The following RHOJ variants were observed in gnomAD, a reference collection of about 807,000 sequenced individuals.
RHOJ encodes ras homolog family member J.
A neutral mutation model predicts 23.4 loss-of-function variants in RHOJ; 11 were observed. That is an observed-to-expected ratio of 0.47 (90% confidence interval 0.30 to 0.78). The LOEUF is 0.78. Among genes scored for constraint, RHOJ ranks in the 30% least tolerant of loss-of-function variants. RHOJ has a pLI of 0.08. For synonymous variants in RHOJ, 102 were observed against 102.7 expected (o/e 0.99, Z 0.04); for missense variants, 254 against 273.4 (o/e 0.93, Z 0.50).
intron 1 of RHOJ, among the ~76,000 whole-genome samples, chr14:63,211,494 T>C (rs184937261): frequency 2.0e-5 from 3 of 152,298 alleles, no homozygotes; most frequent in Admixed American, 2.0e-4. Context: ...CATTAATGGT[T>C]GTTCTTATTT....
In RHOJ at chr14:63,260,579, A is replaced by C. The variant is rs185376989; in HGVS notation, c.179-8531A>C. On this transcript the variant is annotated intron_variant, in intron 1 of 4. Coordinates refer to ENST00000316754, the MANE Select transcript of RHOJ (RefSeq NM_020663.5). ...AACTGTTTTACATGTTCATGATAGC[A>C]AAGAATGGAAAAAATAAAGTGTTTT... Among the ~76,000 whole-genome samples the C allele has an allele frequency of 7.2e-5, 11 of 152,350 alleles. No individual in the cohort carries two copies. In the East Asian group the frequency reaches 1.9e-3, roughly 27 times the overall value.
At chr14:63,266,448 G>A (rs1895368754) in intron 1 of RHOJ, among the ~76,000 whole-genome samples, 1 of 152,168 alleles carries the variant, frequency 6.6e-6, no homozygotes, top group African/African-American at 2.4e-5. Flanking sequence ...TCAGTCAGTT[G>A]GGGTGCTTAG....
chr14:63,259,664 G>A (rs2057133), intron 1 of RHOJ, among the ~76,000 whole-genome samples: 49,232 of 151,990 alleles, frequency 0.32, 10,730 homozygotes, highest in African/African-American at 0.62. Context: ...GGATCCAACC[G>A]CTGTTTTATC....
chr14:63,268,027 G>T (rs1895398924), intron 1 of RHOJ, among the ~76,000 whole-genome samples: 1 of 152,206 alleles, frequency 6.6e-6, no homozygotes. Flanking sequence ...CTAAGCAGCA[G>T]GCTAGAGAAT....
intron 4 of RHOJ, chr14:63,284,401 A>G (rs1392719238): frequency 3.1e-6 from 3 of 957,770 alleles, no homozygotes; most frequent in Admixed American, 6.2e-5. Flanking sequence ...GTACTTAATA[A>G]TATCTCTCAC....
At chr14:63,230,350 G>C (rs1375290887) in intron 1 of RHOJ, among the ~76,000 whole-genome samples, 1 of 152,078 alleles carries the variant, frequency 6.6e-6, no homozygotes, top group Non-Finnish European at 1.5e-5. Flanking sequence ...ACTGACTTTG[G>C]TGTTTTCTAG....
At chr14:63,248,483 T>C (rs895982196) in intron 1 of RHOJ, among the ~76,000 whole-genome samples, 1 of 152,196 alleles carries the variant, frequency 6.6e-6, no homozygotes, top group Admixed American at 6.5e-5. Context: ...CCTTTGTCAT[T>C]CTAAGGTATC....
At chr14:63,230,813 G>A (rs1461797089) in intron 1 of RHOJ, among the ~76,000 whole-genome samples, 3 of 147,258 alleles carry the variant, frequency 2.0e-5, no homozygotes, top group African/African-American at 5.1e-5. Context: ...TTTTGAGTGA[G>A]TGAATGGAAG....
At chr14:63,283,971 G>A (rs952505496) in intron 4 of RHOJ, among the ~76,000 whole-genome samples, 14 of 152,086 alleles carry the variant, frequency 9.2e-5, no homozygotes, top group Admixed American at 8.5e-4. Context: ...TATGCAAGAG[G>A]AGGCCGATAA....
intron 2 of RHOJ, among the ~76,000 whole-genome samples, chr14:63,277,596 A>T (rs1262256840): frequency 2.6e-5 from 4 of 152,234 alleles, no homozygotes; most frequent in African/African-American, 9.6e-5. Flanking sequence ...GTTCATTTGC[A>T]GGTCACTGTA....
intron 2 of RHOJ, 118 bp from the exon 3 acceptor site, chr14:63,280,853 T>G: frequency 1.1e-6 from 1 of 887,332 alleles, no homozygotes; most frequent in Non-Finnish European, 1.6e-6. Context: ...ATTCCAGGGT[T>G]GAGGAAGAAA....
chr14:63,240,520 A>G (rs539545240), intron 1 of RHOJ, among the ~76,000 whole-genome samples: 2 of 152,328 alleles, frequency 1.3e-5, no homozygotes, highest in African/African-American at 2.4e-5. Context: ...CTGAAGATGT[A>G]TAGGGCTCCA....
At chr14:63,260,764 T>C (rs1480789374) in intron 1 of RHOJ, among the ~76,000 whole-genome samples, 1 of 152,164 alleles carries the variant, frequency 6.6e-6, no homozygotes, top group African/African-American at 2.4e-5. Flanking sequence ...AGTGTGTAAA[T>C]GGTTTCCAAC....
chr14:63,229,603 T>C (rs1894654349), intron 1 of RHOJ, among the ~76,000 whole-genome samples: 4 of 152,196 alleles, frequency 2.6e-5, no homozygotes, highest in Admixed American at 2.6e-4. Context: ...TCGCAGTCTT[T>C]GACACATGGC....
intron 4 of RHOJ, chr14:63,284,371 T>G (rs561610170): frequency 2.9e-5 from 29 of 984,468 alleles, no homozygotes; most frequent in Non-Finnish European, 3.5e-5. Flanking sequence ...CAGACGTCCA[T>G]GGAGTCCTTA....
At chr14:63,246,178 C>A (rs1488110637) in intron 1 of RHOJ, among the ~76,000 whole-genome samples, 1 of 152,188 alleles carries the variant, frequency 6.6e-6, no homozygotes. Flanking sequence ...CCTCCTCTCT[C>A]TCACATCCTC....
At chr14:63,205,723 C>G (rs953908050) in intron 1 of RHOJ, among the ~76,000 whole-genome samples, 2 of 152,068 alleles carry the variant, frequency 1.3e-5, no homozygotes, top group African/African-American at 4.8e-5. Context: ...GGACAAAATG[C>G]ACATAAAATA....
At chr14:63,288,073 G>A (rs1362379157) in intron 4 of RHOJ, 6 of 616,004 alleles carry the variant, frequency 9.7e-6, no homozygotes, top group East Asian at 1.4e-4. Context: ...TTTCTCACAC[G>A]TGTTTCCCAA....
intron 4 of RHOJ, among the ~76,000 whole-genome samples, chr14:63,285,586 A>C (rs17100975): frequency 0.023 from 3,518 of 152,244 alleles, 151 homozygotes; most frequent in African/African-American, 0.08. Flanking sequence ...TTATACTCCA[A>C]AGTCAACCAC....
Sources: gnomAD v4.1 joint callset for allele counts (sites outside exome capture counted in the v4.1 genomes callset) on GRCh38, gnomAD v4.1.1 for gene constraint, MANE v1.5 for transcripts, NCBI Gene and HGNC (gene_info 2026-07-23, HGNC 2026-07-21) for gene names.